The following PRIMPOL variants were observed in gnomAD, a reference collection of about 807,000 sequenced individuals.
PRIMPOL encodes the protein DNA-directed primase/polymerase protein.
Under a neutral mutation model 63.6 loss-of-function variants are expected in PRIMPOL, and 54 were observed. The ratio of observed to expected loss-of-function variants is 0.85; its 90% confidence interval spans 0.68 to 1.07. The LOEUF (loss-of-function observed/expected upper bound fraction) is 1.07. PRIMPOL is among the 50% of genes least tolerant of loss of function. The pLI is 0.00. For missense variants in PRIMPOL, 610 were observed against 648.3 expected (o/e 0.94, Z 0.64); for synonymous variants, 197 against 220.2 (o/e 0.89, Z 0.93).
intron 6 of PRIMPOL, among the ~76,000 whole-genome samples, chr4:184,671,757 T>G (rs1561000500): frequency 1.2e-5 from 1 of 83,758 alleles, no homozygotes; most frequent in Non-Finnish European, 2.5e-5. Context: ...TTTTTTTTTT[T>G]GGTAAGATGG....
At chr4:184,675,082 G>A (rs1752935528) in intron 7 of PRIMPOL, among the ~76,000 whole-genome samples, 2 of 152,224 alleles carry the variant, frequency 1.3e-5, no homozygotes, top group Non-Finnish European at 2.9e-5. Flanking sequence ...TGATTGGTGC[G>A]ATGACCTGCT....
intron 11 of PRIMPOL, 91 bp downstream of exon 11, chr4:184,685,775 G>T: frequency 1.0e-5 from 6 of 579,224 alleles, no homozygotes; most frequent in Non-Finnish European, 1.7e-5. Context: ...AAACTATTTT[G>T]TTTTAAAAAT....
chr4:184,683,818 A>G (rs1294899810), intron 9 of PRIMPOL, among the ~76,000 whole-genome samples: 1 of 152,200 alleles, frequency 6.6e-6, no homozygotes, highest in African/African-American at 2.4e-5. Context: ...ACTGACAGCA[A>G]TCTAAATGTA....
At chr4:184,670,545 A>ATTTT (rs57234973) in intron 6 of PRIMPOL, among the ~76,000 whole-genome samples, 68 of 136,682 alleles carry the variant, frequency 5.0e-4, no homozygotes, top group African/African-American at 1.5e-3. Flanking sequence ...TAGGAAAGTA[A>ATTTT]TTTTTTTTTT....
chr4:184,686,307 A>G (rs1756957409), intron 11 of PRIMPOL, among the ~76,000 whole-genome samples: 1 of 152,308 alleles, frequency 6.6e-6, no homozygotes, highest in East Asian at 1.9e-4. Flanking sequence ...GATGGGAAGC[A>G]TGCCTGTCCT....
chr4:184,664,483 T>C (rs1749266092), intron 5 of PRIMPOL, among the ~76,000 whole-genome samples: 1 of 152,270 alleles, frequency 6.6e-6, no homozygotes, highest in South Asian at 2.1e-4. Context: ...GGCTCCGTAC[T>C]GTTAGGGACT....
intron 6 of PRIMPOL, among the ~76,000 whole-genome samples, chr4:184,669,542 C>T (rs992907275): frequency 1.3e-5 from 2 of 152,132 alleles, no homozygotes; most frequent in Non-Finnish European, 2.9e-5. Context: ...AGCCACAGGC[C>T]GAAAGCTGAG....
At chr4:184,673,940 A>T (rs749731845) in intron 7 of PRIMPOL, among the ~76,000 whole-genome samples, 4 of 152,214 alleles carry the variant, frequency 2.6e-5, no homozygotes, top group Non-Finnish European at 2.9e-5. Flanking sequence ...GAGCAGCCAC[A>T]CGGGCAGAGG....
At chr4:184,676,409 TC>T (rs1355854148) in intron 7 of PRIMPOL, among the ~76,000 whole-genome samples, 9 of 107,614 alleles carry the variant, frequency 8.4e-5, no homozygotes, top group South Asian at 3.6e-4. Flanking sequence ...CCCCTTCCCT[TC>T]TCCCTTCCCT....
Position 184,694,685 on chromosome 4 carries a change from A to C in PRIMPOL, c.1589A>C (p.Glu530Ala). 1 of 1,614,042 alleles carries C rather than the reference A, an allele frequency of 6.2e-7. No individual in the cohort carries two copies. The highest frequency in any genetic ancestry group is 8.5e-7 in the Non-Finnish European group (1 of 1,179,874). ...TTTTTAGAAGCTACTGAAGATGCTG[A>C]ATTAGCTGAAGCTGCAGAGAACAGT... Reference protein sequence around the residue: ...AYFLEATEDAELAEAAENSLL... With the variant: ...AYFLEATEDAALAEAAENSLL... The change falls in exon 14 of 14, where the codon GAA becomes GCA. Residue 530 changes from glutamate (E) to alanine (A), a missense_variant. Physicochemically the swap from Glu to Ala is moderately radical, Grantham distance 107. Transcript: ENST00000314970.
chr4:184,658,429 G>A (rs143816758), intron 3 of PRIMPOL, among the ~76,000 whole-genome samples: 4 of 152,222 alleles, frequency 2.6e-5, no homozygotes, highest in African/African-American at 9.6e-5. Flanking sequence ...AAAGGTTTTT[G>A]TTAGGGTTAA....
chr4:184,671,262 G>A (rs1001510435), intron 6 of PRIMPOL, among the ~76,000 whole-genome samples: 1 of 152,190 alleles, frequency 6.6e-6, no homozygotes, highest in South Asian at 2.1e-4. Context: ...GCAGAGGTAG[G>A]AGCAGCAGCC....
At position 184,691,561 on chromosome 4, in the gene PRIMPOL, C is replaced by CA; in HGVS notation, c.1359dup (p.Glu454ArgfsTer6). On this transcript the variant is annotated frameshift_variant, in exon 12 of 14. Transcript: ENST00000314970. LOFTEE classifies it high-confidence loss of function. ...AAATGTCATGACCCTGTATGTAAAGCAGAAAACTTCAAATCTGACTGTAAG... is the reference window on the plus strand; with the variant it reads ...AAATGTCATGACCCTGTATGTAAAGCAAGAAAACTTCAAATCTGACTGTAAG... The CA allele has an allele frequency of 6.2e-7, 1 of 1,607,148 alleles. No individual in the cohort carries two copies. Among genetic ancestry groups the CA allele is most frequent in the Non-Finnish European group, 8.5e-7 (1 of 1,175,766 alleles).
At chr4:184,657,509 G>C (rs1746803342) in intron 3 of PRIMPOL, 189 bp downstream of exon 3, 1 of 511,618 alleles carries the variant, frequency 2.0e-6, no homozygotes, top group Non-Finnish European at 3.4e-6. Context: ...ATATTCCTGT[G>C]AATCATTAAC....
chr4:184,664,597 C>T (rs1326702832), intron 5 of PRIMPOL, among the ~76,000 whole-genome samples: 1 of 152,138 alleles, frequency 6.6e-6, no homozygotes, highest in Admixed American at 6.6e-5. Context: ...GAGAAGGGGA[C>T]GGTACGCCCT....
intron 8 of PRIMPOL, among the ~76,000 whole-genome samples, chr4:184,679,310 G>A (rs1300545084): frequency 6.6e-6 from 1 of 152,004 alleles, no homozygotes; most frequent in Non-Finnish European, 1.5e-5. Context: ...GTTAATGTTG[G>A]CTAGGCACAG....
chr4:184,691,648 G>T lies in PRIMPOL; in HGVS notation c.1379-18G>T. On this transcript the variant is annotated intron_variant, in intron 12 of 13. Transcript: ENST00000314970. ...GATAACTGTAATATGTAATAGTTTTGCTATCTTTCTGATTCAGGTTTCCCA... is the reference window on the plus strand; with the variant it reads ...GATAACTGTAATATGTAATAGTTTTTCTATCTTTCTGATTCAGGTTTCCCA... 6.2e-7 allele frequency: 1 copy of T among 1,609,244 alleles called. No homozygotes were observed. Among genetic ancestry groups the T allele is most frequent in the South Asian group, 1.1e-5 (1 of 90,914 alleles).
At chr4:184,684,994 A>G (rs1001872798) in intron 9 of PRIMPOL, among the ~76,000 whole-genome samples, 2 of 152,094 alleles carry the variant, frequency 1.3e-5, no homozygotes, top group African/African-American at 4.8e-5. Flanking sequence ...TTGAGTCCTC[A>G]TGACCACAGG....
intron 11 of PRIMPOL, among the ~76,000 whole-genome samples, chr4:184,690,846 G>A (rs537961911): frequency 3.3e-5 from 5 of 152,210 alleles, no homozygotes; most frequent in South Asian, 4.1e-4. Flanking sequence ...AGGTCTAAGC[G>A]TTTTCTAATT....
Sources: allele counts gnomAD v4.1 joint callset (sites outside exome capture counted in the v4.1 genomes callset), GRCh38; gene constraint gnomAD v4.1.1; transcripts MANE v1.5; gene names NCBI Gene and HGNC (gene_info 2026-07-23, HGNC 2026-07-21).